Variants in OSBPL3 observed in about 807,000 individuals in gnomAD.
OSBPL3 encodes oxysterol binding protein like 3.
OSBPL3 carries 65 observed loss-of-function variants against 120.1 expected under a neutral mutation model. The ratio of observed to expected loss-of-function variants is 0.54; its 90% CI spans 0.44 to 0.67. The LOEUF is 0.67. Ranked by LOEUF, OSBPL3 falls within the 30% of genes least tolerant of loss-of-function variation. OSBPL3 has a pLI of 0.00. For missense variants in OSBPL3, 1,004 were observed against 1,082.1 expected, an observed-to-expected ratio of 0.93 and a Z score of 1.01; for synonymous variants, 416 against 402.6, an observed-to-expected ratio of 1.03 and a Z score of -0.40.
Position 24,891,731 on chromosome 7 carries a change from A to C in OSBPL3, c.96+646T>G, listed in dbSNP as rs1320766915. On this transcript the variant is annotated intron_variant, in intron 2 of 22. Transcript: ENST00000313367. The surrounding 1 kb of genome is among the most constrained non-coding windows in gnomAD (Gnocchi z 4.1). The stretch of plus-strand genomic sequence containing the variant: ...ACCAAGAAACAATATATAATTACTC[A>C]ACAGTTATTTAGGAGTTAATTATTC... Among the ~76,000 whole-genome samples, 1 of 152,188 alleles carries C rather than the reference A, an allele frequency of 6.6e-6. No homozygotes were observed. The highest frequency in any genetic ancestry group is 2.4e-5 in the African/African-American group (1 of 41,444).
rs1313293556 is a variant in OSBPL3 at position 24,939,623 on chromosome 7, C to G, written c.-150+40263G>C. Among the ~76,000 whole-genome samples the G allele has an allele frequency of 2.0e-5, 3 of 152,162 alleles. 1 individual carries two copies. In the South Asian group the frequency reaches 6.2e-4, roughly 32 times the overall value. On this transcript the variant is annotated intron_variant, in intron 1 of 22. Transcript: ENST00000313367. The surrounding 1 kb of genome is among the most constrained non-coding windows in gnomAD (Gnocchi z 4.2). Reference sequence around the variant, plus strand: ...TGAATTAAGCAACTCTGGAACTTCCCTAATTTTAGACTTTTTAAATGTAGT... The same window carrying G: ...TGAATTAAGCAACTCTGGAACTTCCGTAATTTTAGACTTTTTAAATGTAGT...
chr7:24,963,365 C>T (rs1182290702), intron 1 of OSBPL3, among the ~76,000 whole-genome samples: 3 of 152,222 alleles, frequency 2.0e-5, no homozygotes, highest in African/African-American at 7.2e-5. Context: ...ACCACAGCTG[C>T]AAAATGCTGA....
At chr7:24,960,264 T>C (rs1456751872) in intron 1 of OSBPL3, among the ~76,000 whole-genome samples, 3 of 152,126 alleles carry the variant, frequency 2.0e-5, no homozygotes, top group Non-Finnish European at 4.4e-5. Context: ...TTCCACCTCA[T>C]TAGTCTTCTA....
chr7:24,863,544 C>G lies in OSBPL3; in HGVS notation c.729G>C (p.Met243Ile). ...CCGAGTATGTCCGATGCAGGACGTC[C>G]ATGCTTTGCAGGAGCTGGCTCATTT... ...LVEMSQLLQS[M>I]DVLHRTYSAP... The change falls in exon 8 of 23, where the codon ATG (methionine) becomes ATC (isoleucine). Residue 243 changes from methionine to isoleucine, a missense_variant. Coordinates refer to ENST00000313367, the MANE Select transcript of OSBPL3 (RefSeq NM_015550.4). This position sits in a 1 kb window ranked among gnomAD's most constrained non-coding sequence, Gnocchi z 5.8. 1 of 1,614,160 alleles carries G rather than the reference C, an allele frequency of 6.2e-7. No homozygotes were observed. Among genetic ancestry groups the G allele is most frequent in the Admixed American group, 1.7e-5 (1 of 60,020 alleles).
chr7:24,935,105 T>C (rs1254210782), intron 1 of OSBPL3, among the ~76,000 whole-genome samples: 2 of 152,246 alleles, frequency 1.3e-5, no homozygotes, highest in African/African-American at 2.4e-5. Context: ...TAATTTGTAG[T>C]ACAACTACAT....
chr7:24,902,166 G>GCAAT (rs1425931437), intron 1 of OSBPL3, among the ~76,000 whole-genome samples: 7 of 152,176 alleles, frequency 4.6e-5, no homozygotes, highest in African/African-American at 1.4e-4. Flanking sequence ...CATTTAGAAG[G>GCAAT]CAATCACATT....
rs1315774369 is a variant in OSBPL3 at position 24,913,044 on chromosome 7, C to A, written c.-149-20423G>T. ...GCGACCGCCTCACCTCAGCCGATAA[C>A]CAGCATCAACCCGCAGACATGTGAC... On this transcript the variant is annotated intron_variant, in intron 1 of 22. Coordinates refer to ENST00000313367, the MANE Select transcript of OSBPL3 (RefSeq NM_015550.4). This position sits in a 1 kb window ranked among gnomAD's most constrained non-coding sequence, Gnocchi z 5.3. Among the ~76,000 whole-genome samples the A allele has an allele frequency of 6.6e-6, 1 of 152,202 alleles. No homozygotes were observed. Among genetic ancestry groups the A allele is most frequent in the Non-Finnish European group, 1.5e-5 (1 of 68,040 alleles).
At position 24,800,156 on chromosome 7, in the gene OSBPL3, C is replaced by T. The variant is rs765655842; in HGVS notation, c.*27G>A. ...AGAAGGCAAGCACAGGAGAAATACACTAATGTTATCTTTCTTCTTTACTTT... is the reference window on the plus strand; with the variant it reads ...AGAAGGCAAGCACAGGAGAAATACATTAATGTTATCTTTCTTCTTTACTTT... On this transcript the variant is annotated 3_prime_UTR_variant, in exon 23 of 23. Transcript: ENST00000313367. The T allele has an allele frequency of 7.8e-7, 1 of 1,278,740 alleles. No homozygotes were observed. The highest frequency in any genetic ancestry group is 1.1e-6 in the Non-Finnish European group (1 of 874,636). 79.2% of individuals were successfully genotyped at this position (1,278,740 alleles called of 1,614,324 possible).
In OSBPL3 at chr7:24,912,298, T is replaced by G. The variant is rs10237730; in HGVS notation, c.-149-19677A>C. Among the ~76,000 whole-genome samples the G allele has an allele frequency of 5.9e-5, 9 of 152,094 alleles. No homozygotes were observed. Among genetic ancestry groups the G allele is most frequent in the Non-Finnish European group, 1.2e-4 (8 of 68,018 alleles). On this transcript the variant is annotated intron_variant, in intron 1 of 22. Transcript: ENST00000313367. This position sits in a 1 kb window ranked among gnomAD's most constrained non-coding sequence, Gnocchi z 4.5. ...TTCATAGGAATTACAAATCAGAAAA[T>G]GTAAGTCAAAATGTGGGATGTAAGT...
At chr7:24,979,634 C>CT (rs1377317018) in intron 1 of OSBPL3, among the ~76,000 whole-genome samples, 1 of 152,126 alleles carries the variant, frequency 6.6e-6, no homozygotes, top group African/African-American at 2.4e-5. Flanking sequence ...GGTCAATCCT[C>CT]TGAGCCGTCC....
chr7:24,892,509 G>A lies in OSBPL3; in HGVS notation c.-37C>T. ...CACTTGGCCTCGAGACAATCAAAAT[G>A]CCATCAGATGACAAGGGAGCCGAGA... On this transcript the variant is annotated 5_prime_UTR_variant, in exon 2 of 23. Coordinates refer to ENST00000313367, the MANE Select transcript of OSBPL3 (RefSeq NM_015550.4). The A allele has an allele frequency of 6.2e-7, 1 of 1,601,108 alleles. No homozygotes were observed. Among genetic ancestry groups the A allele is most frequent in the Non-Finnish European group, 8.5e-7 (1 of 1,170,248 alleles).
rs1247400878 is a variant in OSBPL3 at position 24,900,988 on chromosome 7, T to C, written c.-149-8367A>G. Among the ~76,000 whole-genome samples the C allele has an allele frequency of 6.9e-6, 1 of 144,204 alleles. No homozygotes were observed. The highest frequency in any genetic ancestry group is 2.6e-5 in the African/African-American group (1 of 38,428). 94.6% of individuals were successfully genotyped at this position (144,204 alleles called of 152,430 possible). Reference sequence around the variant, plus strand: ...GTGAGCTGAGGTTTTGCCACTGCACTCCAGCCTGGGCTACAGAGCCAGACC... The same window carrying C: ...GTGAGCTGAGGTTTTGCCACTGCACCCCAGCCTGGGCTACAGAGCCAGACC... On this transcript the variant is annotated intron_variant, in intron 1 of 22. Coordinates refer to ENST00000313367, the MANE Select transcript of OSBPL3 (RefSeq NM_015550.4). The surrounding 1 kb of genome is among the most constrained non-coding windows in gnomAD (Gnocchi z 4.5).
At chr7:24,861,532 C>T (rs1800534055) in intron 10 of OSBPL3, 81 bp downstream of exon 10, 1 of 877,240 alleles carries the variant, frequency 1.1e-6, no homozygotes. Context: ...AACTAAGATA[C>T]TCTCTCTAAG....
intron 16 of OSBPL3, among the ~76,000 whole-genome samples, chr7:24,829,412 T>C (rs1467179047): frequency 6.6e-6 from 1 of 152,200 alleles, no homozygotes; most frequent in Non-Finnish European, 1.5e-5. Context: ...TTACTGTATA[T>C]TCACTTTCCT....
At chr7:24,870,250 C>T (rs1801913266) in intron 5 of OSBPL3, among the ~76,000 whole-genome samples, 1 of 152,132 alleles carries the variant, frequency 6.6e-6, no homozygotes, top group South Asian at 2.1e-4. Flanking sequence ...CTTTGAAGTA[C>T]TATTTGGGAA....
chr7:24,898,545 T>C lies in OSBPL3; in HGVS notation c.-149-5924A>G, dbSNP rs1042669171. Among the ~76,000 whole-genome samples the C allele has an allele frequency of 3.9e-5, 6 of 152,224 alleles. No individual in the cohort carries two copies. The highest frequency in any genetic ancestry group is 1.2e-4 in the African/African-American group (5 of 41,454). ...CAATAGAGTATCCATTTCTATTCCC[T>C]GCTCCATCCATGGCCTTCACAATCC... On this transcript the variant is annotated intron_variant, in intron 1 of 22. Transcript: ENST00000313367. This position sits in a 1 kb window ranked among gnomAD's most constrained non-coding sequence, Gnocchi z 4.3.
At chr7:24,926,491 G>A (rs1471533448) in intron 1 of OSBPL3, among the ~76,000 whole-genome samples, 1 of 152,184 alleles carries the variant, frequency 6.6e-6, no homozygotes, top group Non-Finnish European at 1.5e-5. Context: ...GGAAGTCTCT[G>A]TGTTACATAC....
chr7:24,974,527 C>T (rs185938619), intron 1 of OSBPL3, among the ~76,000 whole-genome samples: 2 of 152,302 alleles, frequency 1.3e-5, no homozygotes, highest in Admixed American at 1.3e-4. Context: ...AAACAGCGAA[C>T]AGGGCCCAAA....
intron 16 of OSBPL3, among the ~76,000 whole-genome samples, chr7:24,826,326 G>A (rs1343717775): frequency 2.0e-5 from 3 of 152,190 alleles, no homozygotes; most frequent in African/African-American, 7.2e-5. Flanking sequence ...CAGAACCTAG[G>A]ACAGGAATGT....
Sources: gnomAD v4.1 joint callset for allele counts (sites outside exome capture counted in the v4.1 genomes callset) on GRCh38, gnomAD v4.1.1 for gene constraint, Gnocchi (gnomAD v3.1) non-coding constraint, MANE v1.5 for transcripts, NCBI Gene and HGNC (gene_info 2026-07-23, HGNC 2026-07-21) for gene names.